The following CD96 variants were observed in gnomAD, a reference collection of about 807,000 sequenced individuals.
CD96 encodes the protein CD96 molecule.
A neutral mutation model predicts 71.3 loss-of-function variants in CD96; 70 were observed. The ratio of observed to expected loss-of-function variants is 0.98; its 90% CI spans 0.81 to 1.20. CD96 has a LOEUF of 1.20. CD96 is among the 50% of genes most tolerant of loss of function. The pLI, the probability that CD96 is intolerant of heterozygous loss-of-function variation, is 0.00. For synonymous variants in CD96, 248 were observed against 233.0 expected (o/e 1.06, Z -0.59); for missense variants, 742 against 677.5 (o/e 1.10, Z -1.06).
chr3:111,655,689 T>G (rs1940212303), downstream of CD96, among the ~76,000 whole-genome samples: 1 of 151,892 alleles, frequency 6.6e-6, no homozygotes, highest in Non-Finnish European at 1.5e-5. Context: ...TAAATAGAAC[T>G]AAGGAGAAAA....
intron 6 of CD96, among the ~76,000 whole-genome samples, chr3:111,598,918 C>G (rs1296949704): frequency 6.6e-6 from 1 of 152,048 alleles, no homozygotes; most frequent in African/African-American, 2.4e-5. Context: ...TTCAATCTGT[C>G]TTCAATAATA....
rs144846578 is a variant in CD96, at chr3:111,658,039, G to A, written c.*53-7488G>A. Among the ~76,000 whole-genome samples the A allele has an allele frequency of 9.2e-5, 14 of 152,302 alleles. No individual in the cohort carries two copies. In the East Asian group the frequency reaches 2.3e-3, roughly 25 times the overall value. ...GTAGCAAAGAGCATACCTAGCATCC[G>A]CATCTTGGTCTTCAGTATAATTTCC... On this transcript the variant is annotated intron_variant and NMD_transcript_variant, in intron 14 of 14. Coordinates refer to the CD96 transcript ENST00000494798.
chr3:111,551,819 C>T (rs979110599), intron 2 of CD96, among the ~76,000 whole-genome samples: 4 of 152,042 alleles, frequency 2.6e-5, no homozygotes, highest in East Asian at 1.9e-4. Context: ...ATACCAGTAA[C>T]GGGATTGCTG....
At position 111,649,790 on chromosome 3, in the gene CD96, A is replaced by G; in HGVS notation, c.1694A>G (p.Glu565Gly). Residue 565 changes from glutamate to glycine, a missense_variant, in exon 14 of 14, where the codon GAG becomes GGG. Transcript: ENST00000352690. ...AACGAAAGTGATCTGCCTTATCATG[A>G]GATGGAGACCCTCTAGTCTCGTGAG... is the stretch of plus-strand genomic sequence containing the variant. ...EPNESDLPYHEMETL is the reference protein window; with the variant it reads ...EPNESDLPYHGMETL 6.2e-7 allele frequency: 1 copy of G among 1,603,002 alleles called. No individual in the cohort carries two copies. The highest frequency in any genetic ancestry group is 8.5e-7 in the Non-Finnish European group (1 of 1,169,776).
At chr3:111,561,563 G>C (rs1436598371) in intron 2 of CD96, among the ~76,000 whole-genome samples, 1,827 of 143,130 alleles carry the variant, frequency 0.013, 14 homozygotes, top group African/African-American at 0.041. Context: ...GCAGTCTGCC[G>C]GTTCTCAGAT....
Position 111,638,108 on chromosome 3 carries a change from T to G in CD96, c.1417T>G (p.Phe473Val). The part of the protein sequence containing the change: ...DNVFTSTARA[F>V]SEVPTTANGS... ...TGTCTTTACCAGCACAGCCAGAGCA[T>G]TTTCAGAAGTCCCCACAACTGCCAA... The change falls in exon 12 of 14, where the codon TTT becomes GTT. Residue 473 changes from phenylalanine to valine, a missense_variant. Coordinates refer to ENST00000352690, the MANE Select transcript of CD96 (RefSeq NM_005816.5). 6.2e-7 allele frequency: 1 copy of G among 1,610,884 alleles called. No homozygotes were observed. Among genetic ancestry groups the G allele is most frequent in the Non-Finnish European group, 8.5e-7 (1 of 1,177,064 alleles).
At chr3:111,661,686 C>T (rs925959163) in intron 14 of CD96, among the ~76,000 whole-genome samples, 8 of 152,246 alleles carry the variant, frequency 5.3e-5, no homozygotes, top group African/African-American at 1.9e-4. Context: ...TTATGTCTCA[C>T]ATCCAGGTCA....
chr3:111,549,731 TTTC>T (rs950968625), intron 2 of CD96, among the ~76,000 whole-genome samples: 1 of 152,186 alleles, frequency 6.6e-6, no homozygotes, highest in Admixed American at 6.6e-5. Context: ...GATGCTTTAA[TTTC>T]TAATATGTGA....
intron 8 of CD96, 149 bp downstream of exon 8, chr3:111,606,941 G>GATATA: frequency 1.4e-6 from 1 of 695,280 alleles, no homozygotes; most frequent in Non-Finnish European, 2.6e-6. Flanking sequence ...GCTTTATTGA[G>GATATA]ATATAATTCA....
chr3:111,615,504 C>A (rs1938185355), intron 8 of CD96, among the ~76,000 whole-genome samples: 1 of 152,210 alleles, frequency 6.6e-6, no homozygotes, highest in Admixed American at 6.5e-5. Flanking sequence ...ATTAGAACCT[C>A]TAAATCCATT....
intron 12 of CD96, among the ~76,000 whole-genome samples, chr3:111,643,070 T>G (rs1287943671): frequency 2.1e-5 from 2 of 94,356 alleles, no homozygotes; most frequent in Non-Finnish European, 4.4e-5. Flanking sequence ...CCAAAATCCT[T>G]AAAAAAAAAA....
chr3:111,585,457 C>A, intron 5 of CD96, 79 bp downstream of exon 5: 1 of 919,848 alleles, frequency 1.1e-6, no homozygotes, highest in Non-Finnish European at 1.8e-6. Flanking sequence ...CAGGAATGTT[C>A]TCTCAAAGAA....
At chr3:111,619,365 G>C (rs1000656720) in intron 8 of CD96, among the ~76,000 whole-genome samples, 3 of 152,182 alleles carry the variant, frequency 2.0e-5, no homozygotes, top group Admixed American at 2.0e-4. Context: ...TTCTGAGCTA[G>C]TATAAACAAA....
intron 2 of CD96, among the ~76,000 whole-genome samples, chr3:111,565,631 T>A (rs1031857707): frequency 1.3e-5 from 2 of 152,032 alleles, no homozygotes; most frequent in Admixed American, 1.3e-4. Flanking sequence ...GTAGAGATGG[T>A]ATAGAAACAA....
intron 8 of CD96, among the ~76,000 whole-genome samples, chr3:111,613,419 A>G (rs1237401377): frequency 6.6e-6 from 1 of 152,142 alleles, no homozygotes; most frequent in East Asian, 1.9e-4. Context: ...CATGAGAAAA[A>G]TTTTATGCAG....
At chr3:111,664,229 C>T (rs1940427528) in intron 14 of CD96, among the ~76,000 whole-genome samples, 1 of 152,186 alleles carries the variant, frequency 6.6e-6, no homozygotes, top group African/African-American at 2.4e-5. Context: ...TCACTGTGCC[C>T]TTCACAGTAT....
chr3:111,544,410 TG>T (rs375864973), intron 1 of CD96, among the ~76,000 whole-genome samples: 61 of 152,136 alleles, frequency 4.0e-4, no homozygotes, highest in African/African-American at 1.4e-3. Flanking sequence ...CCCAAAGTGC[TG>T]GGATTACAGG....
intron 5 of CD96, among the ~76,000 whole-genome samples, chr3:111,591,327 C>T (rs906478153): frequency 5.5e-5 from 8 of 145,576 alleles, no homozygotes; most frequent in Admixed American, 7.1e-5. Flanking sequence ...GAGCCAAGAT[C>T]GCGCCACTGC....
At position 111,638,128 on chromosome 3, in the gene CD96, T is replaced by C. The variant is rs766329053; in HGVS notation, c.1437T>C (p.Thr479=). ...TARAFSEVPT[T]ANGSTKTNHV... is the part of the protein sequence containing the mutation. The stretch of plus-strand genomic sequence containing the variant: ...GAGCATTTTCAGAAGTCCCCACAAC[T>C]GCCAATGGATCTACGAAAACTAATC... Residue 479 remains threonine (T), a synonymous_variant, in exon 12 of 14, where the codon ACT becomes ACC. Coordinates refer to ENST00000352690, the MANE Select transcript of CD96 (RefSeq NM_005816.5). 3.1e-6 allele frequency: 5 copies of C among 1,611,714 alleles called. No homozygotes were observed. In the Admixed American group the frequency reaches 8.3e-5, roughly 27 times the overall value.
Sources: allele counts gnomAD v4.1 joint callset (sites outside exome capture counted in the v4.1 genomes callset), GRCh38; gene constraint gnomAD v4.1.1; transcripts MANE v1.5; gene names NCBI Gene and HGNC (gene_info 2026-07-23, HGNC 2026-07-21).